Variants in NDRG1 observed in about 807,000 individuals in gnomAD.
NDRG1 encodes protein NDRG1.
Under a neutral mutation model 56.9 loss-of-function variants are expected in NDRG1, and 32 were observed. That is an observed-to-expected ratio of 0.56 (90% CI 0.42 to 0.76). The LOEUF (loss-of-function observed/expected upper bound fraction) is 0.76. Ranked by LOEUF, NDRG1 falls within the 30% of genes least tolerant of loss-of-function variation. The pLI is 0.00. For missense variants in NDRG1, 507 were observed against 545.7 expected (o/e 0.93, Z 0.71); for synonymous variants, 211 against 204.1 (o/e 1.03, Z -0.29).
At chr8:133,283,347 T>C (rs1857922208) in intron 2 of NDRG1, among the ~76,000 whole-genome samples, 1 of 152,214 alleles carries the variant, frequency 6.6e-6, no homozygotes, top group Non-Finnish European at 1.5e-5. Flanking sequence ...GGACCAAAGC[T>C]TCCACATTTT....
At position 133,261,254 on chromosome 8, in the gene NDRG1, C is replaced by T. The variant is rs879938430; in HGVS notation, c.326+793G>A. ...CCGAGTAGCAGGGATTATAGCCACCCGCCACCACGCCCAGCTCATTTTTGT... is the reference window on the plus strand; with the variant it reads ...CCGAGTAGCAGGGATTATAGCCACCTGCCACCACGCCCAGCTCATTTTTGT... On this transcript the variant is annotated intron_variant, in intron 5 of 15. Transcript: ENST00000323851. Among the ~76,000 whole-genome samples the T allele has an allele frequency of 3.9e-5, 6 of 152,230 alleles. No individual in the cohort carries two copies. The East Asian group carries it at 7.7e-4, about 20-fold the overall frequency.
chr8:133,258,481 C>T (rs1856496000), intron 6 of NDRG1, 55 bp from the exon 7 acceptor site: 2 of 1,557,742 alleles, frequency 1.3e-6, no homozygotes, highest in African/African-American at 1.4e-5. Context: ...CGGGAGCCTC[C>T]AAGGACCCAC....
chr8:133,288,864 T>C (rs901982449), intron 1 of NDRG1, among the ~76,000 whole-genome samples: 1 of 152,098 alleles, frequency 6.6e-6, no homozygotes, highest in African/African-American at 2.4e-5. Flanking sequence ...AAACCCAGCT[T>C]AGCACCAAAA....
intron 1 of NDRG1, among the ~76,000 whole-genome samples, chr8:133,289,807 G>A (rs1273160928): frequency 6.6e-6 from 1 of 152,196 alleles, no homozygotes; most frequent in Non-Finnish European, 1.5e-5. Context: ...AACCTCAGTG[G>A]GGCAGCAGGA....
intron 7 of NDRG1, 44 bp from the exon 8 acceptor site, chr8:133,256,907 G>T: frequency 6.4e-7 from 1 of 1,566,200 alleles, no homozygotes; most frequent in South Asian, 1.1e-5. Context: ...CCAGCAATCT[G>T]AAACACTAGG....
intron 14 of NDRG1, 24 bp from the exon 15 acceptor site, chr8:133,242,098 T>C (rs749776689): frequency 1.9e-6 from 3 of 1,613,870 alleles, no homozygotes; most frequent in African/African-American, 1.3e-5. Flanking sequence ...GGAGAGAAAA[T>C]GCAGTCAGTT....
intron 9 of NDRG1, among the ~76,000 whole-genome samples, chr8:133,251,811 G>T (rs7018287): frequency 0.19 from 29,031 of 152,178 alleles, 3,159 homozygotes; most frequent in African/African-American, 0.29. Context: ...AGGATCTTGA[G>T]ATGAGATAAT....
chr8:133,291,472 T>C (rs901159836), intron 1 of NDRG1, among the ~76,000 whole-genome samples: 1 of 152,178 alleles, frequency 6.6e-6, no homozygotes, highest in African/African-American at 2.4e-5. Context: ...AAGCAGTTCA[T>C]GGGCTCTCTT....
At chr8:133,293,280 G>A (rs992078996) in intron 1 of NDRG1, among the ~76,000 whole-genome samples, 10 of 152,202 alleles carry the variant, frequency 6.6e-5, no homozygotes, top group African/African-American at 2.2e-4. Context: ...AAGTGGACAC[G>A]CGGTACTTCC....
At chr8:133,258,854 C>A (rs1280772238) in intron 6 of NDRG1, 2 of 519,272 alleles carry the variant, frequency 3.9e-6, no homozygotes, top group Non-Finnish European at 3.5e-6. Context: ...AGGACTCAGG[C>A]AACTCCATTC....
At chr8:133,287,550 T>C (rs1858188616) in intron 1 of NDRG1, among the ~76,000 whole-genome samples, 1 of 152,360 alleles carries the variant, frequency 6.6e-6, no homozygotes, top group South Asian at 2.1e-4. Flanking sequence ...CTCATCAGGC[T>C]GCATCTGGGC....
intron 9 of NDRG1, among the ~76,000 whole-genome samples, chr8:133,251,099 A>C (rs912920386): frequency 3.9e-5 from 6 of 152,214 alleles, no homozygotes; most frequent in Non-Finnish European, 8.8e-5. Flanking sequence ...CTCATGCCAC[A>C]GGAAGTTACT....
intron 3 of NDRG1, among the ~76,000 whole-genome samples, chr8:133,269,368 C>T (rs1457315781): frequency 7.2e-5 from 11 of 152,220 alleles, no homozygotes; most frequent in Admixed American, 6.5e-4. Flanking sequence ...AACCTGGCTG[C>T]ACACACTTTC....
At chr8:133,266,706 T>G (rs1345873622) in intron 3 of NDRG1, among the ~76,000 whole-genome samples, 1 of 152,208 alleles carries the variant, frequency 6.6e-6, no homozygotes, top group Non-Finnish European at 1.5e-5. Flanking sequence ...CAATTTCATC[T>G]GAGAAACATT....
At chr8:133,278,884 CTTCT>C (rs1276420213) in intron 3 of NDRG1, among the ~76,000 whole-genome samples, 56 of 137,290 alleles carry the variant, frequency 4.1e-4, no homozygotes, top group African/African-American at 1.4e-3. Context: ...TGTCTCTCTT[CTTCT>C]TTTTTTTTTT....
chr8:133,286,972 C>G (rs1023465761), intron 1 of NDRG1, among the ~76,000 whole-genome samples: 1 of 152,152 alleles, frequency 6.6e-6, no homozygotes, highest in Non-Finnish European at 1.5e-5. Flanking sequence ...GTTGACCCAG[C>G]CAGCTGCTGG....
intron 2 of NDRG1, among the ~76,000 whole-genome samples, chr8:133,284,038 A>G (rs1170870298): frequency 3.9e-5 from 6 of 152,246 alleles, no homozygotes; most frequent in African/African-American, 1.4e-4. Context: ...TCAAGGAAGC[A>G]GTGGACAAAT....
chr8:133,238,763 G>T lies in NDRG1; in HGVS notation c.*115C>A. On this transcript the variant is annotated 3_prime_UTR_variant, in exon 16 of 16. Coordinates refer to ENST00000323851, the MANE Select transcript of NDRG1 (RefSeq NM_006096.4). ...ACCAGAGCTCACTCTTACAAAATAA[G>T]CTTTGGATTAATACCGAGTTAGGCG... 8.0e-7 allele frequency: 1 copy of T among 1,244,782 alleles called. No homozygotes were observed. Among genetic ancestry groups the T allele is most frequent in the Non-Finnish European group, 1.1e-6 (1 of 916,180 alleles). 77.1% of individuals were successfully genotyped at this position (1,244,782 alleles called of 1,614,324 possible). A position where few individuals can be genotyped will look rare whatever the true frequency, so the allele number is the denominator to read the frequency against.
At position 133,254,566 on chromosome 8, in the gene NDRG1, G is replaced by A. The variant is rs1856264165; in HGVS notation, c.567C>T (p.Asp189=). Residue 189 remains aspartate, a synonymous_variant, in exon 9 of 16, where the codon GAC becomes GAT. Coordinates refer to ENST00000323851, the MANE Select transcript of NDRG1 (RefSeq NM_006096.4). ...TCCCAAAAAGGTGGGACACCACCAT[G>A]TCCGGCAGAGCTTGGGTCCATCCTG... ...KISGWTQALP[D]MVVSHLFGKE... is the part of the protein sequence containing the mutation. The A allele has an allele frequency of 1.2e-6, 2 of 1,614,028 alleles. No homozygotes were observed. The highest frequency in any genetic ancestry group is 1.3e-5 in the African/African-American group (1 of 74,940).
Sources: allele counts gnomAD v4.1 joint callset (sites outside exome capture counted in the v4.1 genomes callset), GRCh38; gene constraint gnomAD v4.1.1; transcripts MANE v1.5; gene names NCBI Gene and HGNC (gene_info 2026-07-23, HGNC 2026-07-21).